Variants in CRTC3 observed in about 807,000 individuals in gnomAD.
The protein encoded by CRTC3 is CREB-regulated transcription coactivator 3.
CRTC3 carries 26 observed loss-of-function variants against 74.5 expected under a neutral mutation model. That is an observed-to-expected ratio of 0.35 (90% CI 0.26 to 0.48). The LOEUF is 0.48. Ranked by LOEUF, CRTC3 falls within the 20% of genes least tolerant of loss-of-function variation. The pLI is 0.99. For missense variants in CRTC3, 760 were observed against 787.3 expected (o/e 0.97, Z 0.41); for synonymous variants, 377 against 325.8 (o/e 1.16, Z -1.69).
chr15:90,605,465 T>C (rs748288101), intron 5 of CRTC3, among the ~76,000 whole-genome samples: 12 of 152,210 alleles, frequency 7.9e-5, no homozygotes, highest in Non-Finnish European at 1.8e-4. Flanking sequence ...GAGAACCTTT[T>C]TTAAAAAACA....
At chr15:90,606,455 G>A (rs1283073701) in intron 5 of CRTC3, among the ~76,000 whole-genome samples, 7 of 152,170 alleles carry the variant, frequency 4.6e-5, no homozygotes, top group East Asian at 1.9e-4. Flanking sequence ...CCAGCTACAC[G>A]GGAGGCTGAG....
chr15:90,640,987 A>G, intron 13 of CRTC3, 110 bp from the exon 14 acceptor site: 1 of 713,770 alleles, frequency 1.4e-6, no homozygotes, highest in South Asian at 1.5e-5. Context: ...AAAGAAGGGA[A>G]TATGGATTAG....
chr15:90,631,824 C>G (rs1969051118), intron 11 of CRTC3, among the ~76,000 whole-genome samples: 1 of 152,094 alleles, frequency 6.6e-6, no homozygotes, highest in African/African-American at 2.4e-5. Flanking sequence ...TCAAGTGATC[C>G]TCGCACCTCA....
intron 13 of CRTC3, among the ~76,000 whole-genome samples, chr15:90,640,041 T>A (rs543461494): frequency 2.6e-5 from 4 of 151,948 alleles, no homozygotes; most frequent in Non-Finnish European, 5.9e-5. Context: ...AAAGCAAGAC[T>A]CTGTCTCAAA....
chr15:90,573,617 C>T (rs1332544024), intron 2 of CRTC3, among the ~76,000 whole-genome samples: 1 of 151,752 alleles, frequency 6.6e-6, no homozygotes, highest in African/African-American at 2.4e-5. Context: ...TTTTACATAG[C>T]TTGTTCTGTT....
chr15:90,603,438 A>G (rs988034577), intron 4 of CRTC3, among the ~76,000 whole-genome samples: 28 of 151,948 alleles, frequency 1.8e-4, no homozygotes, highest in African/African-American at 5.6e-4. Context: ...GCGAGACTCC[A>G]TCTCAAAAAA....
intron 6 of CRTC3, among the ~76,000 whole-genome samples, chr15:90,612,499 T>C (rs1968387471): frequency 2.6e-5 from 4 of 152,038 alleles, no homozygotes; most frequent in Admixed American, 2.6e-4. Context: ...CTCAGGCAGT[T>C]TCACATGGTA....
intron 3 of CRTC3, among the ~76,000 whole-genome samples, chr15:90,600,807 T>C (rs1177923855): frequency 6.6e-6 from 1 of 152,246 alleles, no homozygotes; most frequent in African/African-American, 2.4e-5. Flanking sequence ...TGAAAAGTAT[T>C]ATTGGTAACT....
Position 90,644,116 on chromosome 15 carries a change from A to G in CRTC3, c.*1976A>G, listed in dbSNP as rs796943456. 1 of 229,666 alleles carries G rather than the reference A, an allele frequency of 4.4e-6. No individual in the cohort carries two copies. The highest frequency in any genetic ancestry group is 1.8e-4 in the South Asian group (1 of 5,502). The allele number at this position is 229,666 out of a possible 1,614,324, so 14.2% of individuals were successfully genotyped here. A position where few individuals can be genotyped will look rare whatever the true frequency, so the allele number is the denominator to read the frequency against. On this transcript the variant is annotated 3_prime_UTR_variant, in exon 15 of 15. Transcript: ENST00000268184. ...TCTTTGCTGTGGAATTGGGAAATCA[A>G]ACCAGAGTCCTCCTCGCCTGATTTC...
intron 2 of CRTC3, among the ~76,000 whole-genome samples, chr15:90,592,100 C>G (rs17264460): frequency 0.078 from 11,804 of 152,176 alleles, 680 homozygotes; most frequent in Non-Finnish European, 0.12. Flanking sequence ...GAGTAATTCT[C>G]AAAACCAAAA....
chr15:90,554,513 C>A (rs576546418), intron 2 of CRTC3, among the ~76,000 whole-genome samples: 1 of 152,146 alleles, frequency 6.6e-6, no homozygotes, highest in African/African-American at 2.4e-5. Flanking sequence ...AAGGTATTTC[C>A]TCTTATAATT....
chr15:90,607,035 CA>C (rs1407580390), intron 5 of CRTC3, among the ~76,000 whole-genome samples: 1 of 13,124 alleles, frequency 7.6e-5, no homozygotes, highest in Non-Finnish European at 1.9e-4. Context: ...AGTGCAGCCA[CA>C]GGCTAAACTG....
intron 12 of CRTC3, 41 bp from the exon 13 acceptor site, chr15:90,638,694 C>CTGAGTTCCAAGCT: frequency 6.2e-7 from 1 of 1,612,492 alleles, no homozygotes; most frequent in South Asian, 1.1e-5. Context: ...TTGTTTTGCT[C>CTGAGTTCCAAGCT]TGAGTTCCAA....
At chr15:90,621,314 AGTTT>A (rs1010832518) in intron 9 of CRTC3, among the ~76,000 whole-genome samples, 10 of 151,686 alleles carry the variant, frequency 6.6e-5, no homozygotes, top group East Asian at 3.9e-4. Flanking sequence ...TTGTTTAGTT[AGTTT>A]GTTTGTATTT....
In CRTC3 at chr15:90,643,844, G is replaced by A. The variant is rs910827053; in HGVS notation, c.*1704G>A. On this transcript the variant is annotated 3_prime_UTR_variant, in exon 15 of 15. Transcript: ENST00000268184. ...CATTGCCCTTCCAGGAGACCCTGGA[G>A]TGTACTGAGGGTTGCTGGACTGTTC... is the stretch of plus-strand genomic sequence containing the variant. 1.2e-4 allele frequency: 27 copies of A among 232,402 alleles called. No individual in the cohort carries two copies. The highest frequency in any genetic ancestry group is 5.7e-4 in the African/African-American group (26 of 45,218). 14.4% of individuals were successfully genotyped at this position (232,402 alleles called of 1,614,324 possible).
chr15:90,613,115 G>A lies in CRTC3; in HGVS notation c.578-1338G>A, dbSNP rs530433888. Among the ~76,000 whole-genome samples the A allele has an allele frequency of 4.6e-5, 7 of 151,570 alleles. No homozygotes were observed. In the East Asian group the frequency reaches 1.4e-3, roughly 30 times the overall value. ...CTGGGGAGGCTGAGGCCCAGGAGGT[G>A]GAGGTTGCAGTGAGCCAAGGTCACG... On this transcript the variant is annotated intron_variant, in intron 6 of 14. Transcript: ENST00000268184.
At chr15:90,532,631 G>C (rs1263825284) in intron 1 of CRTC3, among the ~76,000 whole-genome samples, 1 of 152,138 alleles carries the variant, frequency 6.6e-6, no homozygotes, top group African/African-American at 2.4e-5. Context: ...TATTCACCTA[G>C]GCGTTACTTA....
At chr15:90,536,004 C>CT (rs1253460122) in intron 1 of CRTC3, among the ~76,000 whole-genome samples, 11 of 152,224 alleles carry the variant, frequency 7.2e-5, no homozygotes, top group Admixed American at 7.2e-4. Context: ...GCTGCTTTTA[C>CT]TCCCTGCTGT....
chr15:90,598,133 G>A, intron 3 of CRTC3: 1 of 342,690 alleles, frequency 2.9e-6, no homozygotes, highest in Non-Finnish European at 5.4e-6. Context: ...GTCCCTGGCA[G>A]AACACAGAGT....
Sources: allele counts gnomAD v4.1 joint callset (sites outside exome capture counted in the v4.1 genomes callset), GRCh38; gene constraint gnomAD v4.1.1; transcripts MANE v1.5; gene names NCBI Gene and HGNC (gene_info 2026-07-23, HGNC 2026-07-21).